The following AGBL4 variants were observed in gnomAD, a reference collection of about 807,000 sequenced individuals.
The protein encoded by AGBL4 is AGBL carboxypeptidase 4, also known as cytosolic carboxypeptidase 6.
Under a neutral mutation model 66.4 loss-of-function variants are expected in AGBL4, and 58 were observed. The ratio of observed to expected loss-of-function variants is 0.87; its 90% confidence interval spans 0.71 to 1.09. The LOEUF is 1.09. AGBL4 is among the 50% of genes least tolerant of loss of function. The probability of loss-of-function intolerance (pLI) is 0.00; values close to 1 mark genes in which losing one functional copy is unlikely to be tolerated. For synonymous variants in AGBL4, 234 were observed against 222.9 expected (o/e 1.05, Z -0.44); for missense variants, 579 against 631.0 (o/e 0.92, Z 0.88).
At chr1:48,846,454 G>A (rs552055991) in intron 6 of AGBL4, among the ~76,000 whole-genome samples, 2 of 151,538 alleles carry the variant, frequency 1.3e-5, no homozygotes, top group Non-Finnish European at 2.9e-5. Context: ...ATAAATAGTG[G>A]GTATCAAGAC....
At chr1:48,867,028 T>C (rs1479301989) in intron 6 of AGBL4, among the ~76,000 whole-genome samples, 163 bp downstream of exon 6, 1 of 151,970 alleles carries the variant, frequency 6.6e-6, no homozygotes, top group Non-Finnish European at 1.5e-5. Context: ...AAACTGCCTG[T>C]GGAGCAGAGG....
At chr1:49,020,184 G>T (rs1557566720) in intron 5 of AGBL4, among the ~76,000 whole-genome samples, 2 of 152,122 alleles carry the variant, frequency 1.3e-5, no homozygotes, top group Admixed American at 1.3e-4. Context: ...GAGCAGCATG[G>T]TTAGTTTTAC....
chr1:49,773,835 G>A (rs754893125), intron 2 of AGBL4, among the ~76,000 whole-genome samples: 5 of 152,204 alleles, frequency 3.3e-5, no homozygotes, highest in Non-Finnish European at 7.3e-5. Context: ...CAGCTGCAAG[G>A]AGCCTCTCCA....
At chr1:48,996,735 C>T (rs1213019718) in intron 5 of AGBL4, among the ~76,000 whole-genome samples, 1 of 151,914 alleles carries the variant, frequency 6.6e-6, no homozygotes, top group Admixed American at 6.6e-5. Flanking sequence ...ATAGATAATT[C>T]ATTAGAAAAA....
intron 3 of AGBL4, among the ~76,000 whole-genome samples, chr1:49,351,334 A>T (rs775151536): frequency 6.6e-6 from 1 of 151,970 alleles, no homozygotes; most frequent in Non-Finnish European, 1.5e-5. Flanking sequence ...CAGATGATAC[A>T]CTCCATGGCA....
At chr1:48,993,369 A>C (rs532794297) in intron 5 of AGBL4, among the ~76,000 whole-genome samples, 111 of 152,282 alleles carry the variant, frequency 7.3e-4, no homozygotes, top group Non-Finnish European at 1.4e-3. Context: ...TTGCAAGACA[A>C]AGTCTTCTGA....
At chr1:48,561,146 G>T (rs1477022884) in intron 11 of AGBL4, among the ~76,000 whole-genome samples, 2 of 152,166 alleles carry the variant, frequency 1.3e-5, no homozygotes, top group Non-Finnish European at 2.9e-5. Context: ...CATAATTGAG[G>T]TGTACACAGA....
intron 1 of AGBL4, among the ~76,000 whole-genome samples, chr1:49,941,538 A>G (rs1035205617): frequency 6.6e-6 from 1 of 152,128 alleles, no homozygotes; most frequent in African/African-American, 2.4e-5. Flanking sequence ...ACTATTATCA[A>G]GTTGGCTTTA....
chr1:49,008,183 T>C (rs932438633), intron 5 of AGBL4, among the ~76,000 whole-genome samples: 2 of 151,458 alleles, frequency 1.3e-5, no homozygotes, highest in African/African-American at 4.9e-5. Flanking sequence ...TGGAGGAAGA[T>C]CTACTAAGCA....
intron 2 of AGBL4, among the ~76,000 whole-genome samples, chr1:49,838,161 G>C (rs1346686200): frequency 1.3e-5 from 2 of 152,196 alleles, no homozygotes; most frequent in Admixed American, 6.5e-5. Context: ...TAACAACAGT[G>C]AGAAGTGTCT....
chr1:49,230,438 G>A, intron 4 of AGBL4, among the ~76,000 whole-genome samples: 1 of 152,132 alleles, frequency 6.6e-6, no homozygotes, highest in East Asian at 1.9e-4. Flanking sequence ...GTTTAACAAA[G>A]GGTAGAGCCT....
At chr1:49,884,978 T>C (rs941093197) in intron 1 of AGBL4, among the ~76,000 whole-genome samples, 8 of 151,934 alleles carry the variant, frequency 5.3e-5, no homozygotes, top group Admixed American at 3.9e-4. Flanking sequence ...TTTTTGATAT[T>C]TAAATGGGTT....
At chr1:49,394,081 G>A (rs1328163715) in intron 3 of AGBL4, among the ~76,000 whole-genome samples, 1 of 151,728 alleles carries the variant, frequency 6.6e-6, no homozygotes, top group East Asian at 1.9e-4. Context: ...TATTTCCCCT[G>A]GATAGGAGCT....
intron 11 of AGBL4, among the ~76,000 whole-genome samples, chr1:48,559,270 C>A (rs1471672517): frequency 1.3e-5 from 2 of 152,140 alleles, no homozygotes; most frequent in Admixed American, 1.3e-4. Flanking sequence ...ATGAACAGAG[C>A]ATTAATTGGA....
intron 8 of AGBL4, among the ~76,000 whole-genome samples, chr1:48,644,108 C>T (rs574001600): frequency 2.6e-5 from 4 of 152,276 alleles, no homozygotes; most frequent in African/African-American, 9.6e-5. Context: ...CTCATTATCA[C>T]TCCAAATCTC....
At chr1:48,776,923 C>G (rs1395535747) in intron 6 of AGBL4, 34 of 281,912 alleles carry the variant, frequency 1.2e-4, no homozygotes, top group East Asian at 3.6e-4. Context: ...AGTCTCGCTA[C>G]GGTGCTGGGG....
At chr1:50,011,769 T>A (rs1661552529) in intron 1 of AGBL4, among the ~76,000 whole-genome samples, 2 of 152,104 alleles carry the variant, frequency 1.3e-5, no homozygotes. Flanking sequence ...CTAAGTGAAA[T>A]AAACCAGGCA....
intron 3 of AGBL4, among the ~76,000 whole-genome samples, chr1:49,349,229 T>C (rs945176814): frequency 1.3e-5 from 2 of 152,224 alleles, no homozygotes; most frequent in East Asian, 1.9e-4. Flanking sequence ...TTTAGAACTA[T>C]GGGGCATAGA....
chr1:49,152,706 A>G (rs1193741908), intron 4 of AGBL4, among the ~76,000 whole-genome samples: 4 of 152,196 alleles, frequency 2.6e-5, no homozygotes, highest in Admixed American at 2.6e-4. Flanking sequence ...GGGCAAGCAT[A>G]CCTGTCCCCT....
Sources: gnomAD v4.1 joint callset for allele counts (sites outside exome capture counted in the v4.1 genomes callset) on GRCh38, gnomAD v4.1.1 for gene constraint, MANE v1.5 for transcripts, NCBI Gene and HGNC (gene_info 2026-07-23, HGNC 2026-07-21) for gene names.